SETDB1: variants seen among roughly 807,000 people sequenced by gnomAD.
The protein encoded by SETDB1 is histone-lysine N-methyltransferase SETDB1.
In SETDB1, 31 loss-of-function variants were observed where a neutral mutation model predicts 137.4. That is an observed-to-expected ratio of 0.23 (90% CI 0.17 to 0.30). SETDB1 has a LOEUF of 0.30. Among genes scored for constraint, SETDB1 ranks in the 10% least tolerant of loss-of-function variants. The probability of loss-of-function intolerance (pLI) is 1.00; values close to 1 mark genes in which losing one functional copy is unlikely to be tolerated. For synonymous variants in SETDB1, 548 were observed against 579.9 expected (o/e 0.95, Z 0.79); for missense variants, 1,113 against 1,631.5 (o/e 0.68, Z 5.47).
intron 16 of SETDB1, 96 bp downstream of exon 16, chr1:150,961,287 C>A: frequency 1.6e-6 from 2 of 1,267,406 alleles, no homozygotes; most frequent in Non-Finnish European, 2.2e-6. Context: ...GATTATTCTA[C>A]TTGATGGATA....
chr1:150,940,516 T>C (rs1451761706), intron 4 of SETDB1, among the ~76,000 whole-genome samples: 2 of 147,102 alleles, frequency 1.4e-5, no homozygotes, highest in South Asian at 2.2e-4. Flanking sequence ...TGCAATGAGC[T>C]GAGATCGCAC....
chr1:150,964,138 A>C, intron 21 of SETDB1, 55 bp downstream of exon 21: 1 of 1,547,370 alleles, frequency 6.5e-7, no homozygotes, highest in East Asian at 2.2e-5. Context: ...CTGAAGTTCT[A>C]AGGGCCCCTC....
Position 150,961,113 on chromosome 1 carries a change from C to T in SETDB1, c.3054C>T (p.Ser1018=). ...GTGGGGAGGGCCGGGCTGGGGGAAGCCGAATGGAGGCTGAGAAGGCCTCCA... is the reference window on the plus strand; with the variant it reads ...GTGGGGAGGGCCGGGCTGGGGGAAGTCGAATGGAGGCTGAGAAGGCCTCCA... ...NEGGEGRAGG[S]RMEAEKASTS... Residue 1018 remains serine, a synonymous_variant, in exon 16 of 22, where the codon AGC becomes AGT. Coordinates refer to ENST00000692827, the MANE Select transcript of SETDB1 (RefSeq NM_001366418.1). The T allele has an allele frequency of 6.2e-7, 1 of 1,614,024 alleles. No individual in the cohort carries two copies. Among genetic ancestry groups the T allele is most frequent in the South Asian group, 1.1e-5 (1 of 91,080 alleles).
rs1190885894 is a variant in SETDB1 at position 150,959,244 on chromosome 1, T to C, written c.2400T>C (p.His800=). 1 of 1,609,250 alleles carries C rather than the reference T, an allele frequency of 6.2e-7. No individual in the cohort carries two copies. The highest frequency in any genetic ancestry group is 8.5e-7 in the Non-Finnish European group (1 of 1,178,524). The change falls in exon 15 of 22, where the codon CAT becomes CAC. Residue 800 remains histidine (H), a synonymous_variant. Transcript: ENST00000692827. ...TGTGCACAAACCGGTTGGTGCAACATGGACTACAAGTTCGGCTACAGCTAT... is the reference window on the plus strand; with the variant it reads ...TGTGCACAAACCGGTTGGTGCAACACGGACTACAAGTTCGGCTACAGCTAT... ...PNMCTNRLVQ[H]GLQVRLQLFK... is the part of the protein sequence containing the mutation.
At chr1:150,963,847 A>C in intron 20 of SETDB1, 106 bp downstream of exon 20, 1 of 1,313,474 alleles carries the variant, frequency 7.6e-7, no homozygotes, top group Non-Finnish European at 1.1e-6. Context: ...CTTGATCTCA[A>C]AGGATCTTAA....
Position 150,930,198 on chromosome 1 carries a change from AGAGAG to A in SETDB1, c.412+85_412+89del. 3.2e-6 allele frequency: 4 copies of A among 1,265,938 alleles called. No homozygotes were observed. The South Asian group carries it at 5.6e-5, about 18-fold the overall frequency. 78.4% of individuals were successfully genotyped at this position (1,265,938 alleles called of 1,614,324 possible). On this transcript the variant is annotated intron_variant, in intron 3 of 21. Transcript: ENST00000692827. ...AGATGAGCAAATAGAAGATAATAGA[AGAGAG>A]GAGAAACCATTGTCACTAACTCCAT... is the stretch of plus-strand genomic sequence containing the variant.
chr1:150,964,711 A>ATC lies in SETDB1; in HGVS notation c.*347_*348insTC. The ATC allele has an allele frequency of 1.7e-6, 1 of 584,166 alleles. No homozygotes were observed. Among genetic ancestry groups the ATC allele is most frequent in the Non-Finnish European group, 3.0e-6 (1 of 328,254 alleles). The allele number at this position is 584,166 out of a possible 1,614,324, so 36.2% of individuals were successfully genotyped here. A position where few individuals can be genotyped will look rare whatever the true frequency, so the allele number is the denominator to read the frequency against. ...TCTCCAGTTTGTATTATTTCTTGAA[A>ATC]GTCTTTTAACAATATGATAAAACTA... On this transcript the variant is annotated 3_prime_UTR_variant, in exon 22 of 22. Coordinates refer to ENST00000692827, the MANE Select transcript of SETDB1 (RefSeq NM_001366418.1).
chr1:150,961,521 G>A lies in SETDB1; in HGVS notation c.3132+330G>A, dbSNP rs587750545. On this transcript the variant is annotated intron_variant, in intron 16 of 21. Transcript: ENST00000692827. ...AATACAAAAATTAGCCGGGCGTGGT[G>A]GTGCATGCCTGTATTTCCAGCTACT... The A allele has an allele frequency of 2.3e-5, 7 of 302,954 alleles. No individual in the cohort carries two copies. The East Asian group carries it at 6.6e-4, about 29-fold the overall frequency. The allele number at this position is 302,954 out of a possible 1,614,324, so 18.8% of individuals were successfully genotyped here. A position where few individuals can be genotyped will look rare whatever the true frequency, so the allele number is the denominator to read the frequency against.
chr1:150,940,817 G>A (rs1473673307), intron 4 of SETDB1, among the ~76,000 whole-genome samples: 1 of 151,902 alleles, frequency 6.6e-6, no homozygotes, highest in African/African-American at 2.4e-5. Flanking sequence ...GGCTAACATA[G>A]TGAAACCCTG....
rs76779006 is a variant in SETDB1 at position 150,955,066 on chromosome 1, A to G, written c.2333+3585A>G. Among the ~76,000 whole-genome samples, 1,287 of 152,362 alleles carry G rather than the reference A, an allele frequency of 8.4e-3. 7 individuals are homozygous for G. Among genetic ancestry groups the G allele is most frequent in the Non-Finnish European group, 0.012 (812 of 68,026 alleles). On this transcript the variant is annotated intron_variant, in intron 14 of 21. Coordinates refer to ENST00000692827, the MANE Select transcript of SETDB1 (RefSeq NM_001366418.1). ...AATACATTCAGAGGAGATCGAGACT[A>G]CTGGGGAGATCATAGGATGAATTTG...
chr1:150,946,350 G>C (rs1670328279), intron 9 of SETDB1, among the ~76,000 whole-genome samples: 1 of 152,042 alleles, frequency 6.6e-6, no homozygotes, highest in South Asian at 2.1e-4. Flanking sequence ...ATAGATATCT[G>C]TTGCTCCTGT....
intron 12 of SETDB1, 112 bp from the exon 13 acceptor site, chr1:150,950,346 C>G: frequency 1.1e-6 from 1 of 924,402 alleles, no homozygotes; most frequent in Non-Finnish European, 1.7e-6. Flanking sequence ...TCTTTAGCTT[C>G]AGGAGCACAG....
intron 3 of SETDB1, among the ~76,000 whole-genome samples, chr1:150,933,525 C>T (rs777211161): frequency 1.3e-5 from 2 of 151,620 alleles, no homozygotes; most frequent in Admixed American, 6.6e-5. Context: ...CACAGGCACG[C>T]GCCATCACAC....
intron 9 of SETDB1, 183 bp downstream of exon 9, chr1:150,945,291 G>C: frequency 6.9e-7 from 1 of 1,444,926 alleles, no homozygotes; most frequent in Non-Finnish European, 9.1e-7. Flanking sequence ...GGTCATTGTT[G>C]AAAATAAATT....
intron 8 of SETDB1, 159 bp downstream of exon 8, chr1:150,944,152 A>C: frequency 1.6e-6 from 1 of 625,046 alleles, no homozygotes; most frequent in Admixed American, 2.8e-5. Context: ...GTTTGCTCCC[A>C]AAAGAGATAC....
At chr1:150,927,270 C>T (rs1417987120) in intron 1 of SETDB1, among the ~76,000 whole-genome samples, 1 of 152,142 alleles carries the variant, frequency 6.6e-6, no homozygotes, top group East Asian at 1.9e-4. Context: ...GAACTAAAGG[C>T]GTGCACCACC....
intron 17 of SETDB1, 130 bp from the exon 18 acceptor site, chr1:150,962,457 A>C: frequency 1.4e-5 from 12 of 877,306 alleles, no homozygotes; most frequent in Non-Finnish European, 2.0e-5. Flanking sequence ...GATTACAGCC[A>C]TGAGCTACCG....
At position 150,944,013 on chromosome 1, in the gene SETDB1, TC is replaced by T; in HGVS notation, c.949+22del. On this transcript the variant is annotated intron_variant, in intron 8 of 21. Transcript: ENST00000692827. ...GGCCACGTGAGTGTTTCTCCCTTAT[TC>T]CTTAGCTCAGTTTTCTCCTCTACCT... The T allele has an allele frequency of 6.5e-7, 1 of 1,548,468 alleles. No individual in the cohort carries two copies. The highest frequency in any genetic ancestry group is 8.9e-7 in the Non-Finnish European group (1 of 1,120,200).
At chr1:150,951,207 C>T (rs913980690) in intron 13 of SETDB1, 117 bp downstream of exon 13, 1 of 1,251,876 alleles carries the variant, frequency 8.0e-7, no homozygotes, top group South Asian at 1.4e-5. Context: ...CCTCCTCCCT[C>T]ACCTGGAACT....
Sources: gnomAD v4.1 joint callset for allele counts (sites outside exome capture counted in the v4.1 genomes callset) on GRCh38, gnomAD v4.1.1 for gene constraint, MANE v1.5 for transcripts, NCBI Gene and HGNC (gene_info 2026-07-23, HGNC 2026-07-21) for gene names.